Variants in UCN3 observed in about 807,000 individuals in gnomAD.
UCN3 encodes the protein urocortin-3.
Under a neutral mutation model 3.6 loss-of-function variants are expected in UCN3, and 3 were observed. The ratio of observed to expected loss-of-function variants is 0.83; its 90% CI spans 0.38 to 2.15. UCN3 has a LOEUF of 2.15. Among genes scored for constraint, UCN3 ranks in the 30% most tolerant of loss-of-function variants. UCN3 has a pLI of 0.06. For synonymous variants in UCN3, 100 were observed against 93.2 expected, an observed-to-expected ratio of 1.07 and a Z score of -0.42; for missense variants, 206 against 208.3, an observed-to-expected ratio of 0.99 and a Z score of 0.07.
rs1564442872 is a variant in UCN3, at chr10:5,370,388, C to CGTGTATGT, written c.-6-3323_-6-3322insATGTGTGT. Among the ~76,000 whole-genome samples, 14 of 27,970 alleles carry CGTGTATGT rather than the reference C, an allele frequency of 5.0e-4. 3 individuals are homozygous for CGTGTATGT. In the East Asian group the frequency reaches 6.2e-3, roughly 12 times the overall value. The allele number at this position is 27,970 out of a possible 152,430, so 18.3% of individuals were successfully genotyped here. ...ATGCGTGTGTATATGCGTGTATATG[C>CGTGTATGT]GTGTGTATATGTGTGTGTATATGTG... On this transcript the variant is annotated intron_variant, in intron 1 of 1. Transcript: ENST00000380433.
chr10:5,370,686 T>TCTTTTCTTGGCTTTGGTCTCAGG, intron 1 of UCN3, among the ~76,000 whole-genome samples: 1 of 97,482 alleles, frequency 1.0e-5, no homozygotes. Context: ...TGTGTGTGTG[T>TCTTTTCTTGGCTTTGGTCTCAGG]ATGTGTGTAT....
At chr10:5,370,046 C>CGTGTGTATGT (rs1367618907) in intron 1 of UCN3, among the ~76,000 whole-genome samples, 2 of 10,958 alleles carry the variant, frequency 1.8e-4, no homozygotes. Context: ...TGTGTATATG[C>CGTGTGTATGT]GTGTGTATGT....
At chr10:5,370,449 G>GTGTGTGTATA (rs1330959603) in intron 1 of UCN3, among the ~76,000 whole-genome samples, 10 of 115,336 alleles carry the variant, frequency 8.7e-5, no homozygotes, top group Non-Finnish European at 5.2e-5. Flanking sequence ...GTGTGTATGT[G>GTGTGTGTATA]TGTGTGTATA....
At chr10:5,372,648 C>T (rs782065932) in intron 1 of UCN3, among the ~76,000 whole-genome samples, 4 of 151,916 alleles carry the variant, frequency 2.6e-5, no homozygotes, top group African/African-American at 4.8e-5. Context: ...CTCTGGAGCT[C>T]GAGCAATCCT....
chr10:5,370,786 TG>T (rs1831395990), intron 1 of UCN3, among the ~76,000 whole-genome samples: 8 of 146,232 alleles, frequency 5.5e-5, no homozygotes, highest in Non-Finnish European at 7.4e-5. Context: ...TGCGTGTGTG[TG>T]TGTATGCGTG....
In UCN3 at chr10:5,370,553, G is replaced by T. The variant is rs538187710; in HGVS notation, c.-6-3162G>T. Among the ~76,000 whole-genome samples the T allele has an allele frequency of 3.5e-5, 4 of 115,126 alleles. No individual in the cohort carries two copies. The Admixed American group carries it at 4.0e-4, about 11-fold the overall frequency. The allele number at this position is 115,126 out of a possible 152,430, so 75.5% of individuals were successfully genotyped here. On this transcript the variant is annotated intron_variant, in intron 1 of 1. Transcript: ENST00000380433. The stretch of plus-strand genomic sequence containing the variant: ...TGTGTGTATATGCGTGTATATGTGT[G>T]TATATGTGTGTGTATATGCGTGTAT...
chr10:5,374,257 GGAGGGGAGGGC>G lies in UCN3; in HGVS notation c.*58_*68del. The G allele has an allele frequency of 6.4e-6, 3 of 468,878 alleles. No homozygotes were observed. The highest frequency in any genetic ancestry group is 3.5e-5 in the Admixed American group (1 of 28,610). 29.0% of individuals were successfully genotyped at this position (468,878 alleles called of 1,614,324 possible). A position where few individuals can be genotyped will look rare whatever the true frequency, so the allele number is the denominator to read the frequency against. ...CGGGGTGGGGAGGGGGAGGGGAGGG[GGAGGGGAGGGC>G]GAGGGGGGGAGGGGAGGGGGAGGGT... is the stretch of plus-strand genomic sequence containing the variant. On this transcript the variant is annotated 3_prime_UTR_variant, in exon 2 of 2. Coordinates refer to ENST00000380433, the MANE Select transcript of UCN3 (RefSeq NM_053049.4).
intron 1 of UCN3, among the ~76,000 whole-genome samples, chr10:5,370,864 T>TGTGTGTGCGC (rs1831407052): frequency 8.2e-6 from 1 of 121,854 alleles, no homozygotes; most frequent in African/African-American, 3.1e-5. Context: ...TGTGTGTGCG[T>TGTGTGTGCGC]GTGTATGTGT....
At chr10:5,370,090 CGTGTGTATATGCGTGTGTATATGT>C (rs1831336795) in intron 1 of UCN3, among the ~76,000 whole-genome samples, 2 of 12,882 alleles carry the variant, frequency 1.6e-4, no homozygotes, top group Non-Finnish European at 3.1e-4. Context: ...TGTGTATATG[CGTGTGTATATGCGTGTGTATATGT>C]GTGTGTATGT....
intron 1 of UCN3, among the ~76,000 whole-genome samples, chr10:5,370,223 G>GTGTGTGTGTGTATA (rs781842004): frequency 7.3e-5 from 1 of 13,764 alleles, no homozygotes; most frequent in Non-Finnish European, 1.1e-4. Flanking sequence ...GTGTGTGTAT[G>GTGTGTGTGTGTATA]TGCGTGTGTG....
rs1564445112 is a variant in UCN3, at chr10:5,374,253, AGGGGGAGGGGAGGGCGAGG to A, written c.*62_*80del. 2.1e-4 allele frequency: 2 copies of A among 9,346 alleles called. No individual in the cohort carries two copies. Among genetic ancestry groups the A allele is most frequent in the East Asian group, 3.6e-3 (1 of 278 alleles). The allele number at this position is 9,346 out of a possible 1,614,324, so 0.6% of individuals were successfully genotyped here. ...GCAGCGGGGTGGGGAGGGGGAGGGG[AGGGGGAGGGGAGGGCGAGG>A]GGGGGAGGGGAGGGGGAGGGTGCTG... On this transcript the variant is annotated 3_prime_UTR_variant, in exon 2 of 2. Coordinates refer to ENST00000380433, the MANE Select transcript of UCN3 (RefSeq NM_053049.4).
chr10:5,369,902 T>C, intron 1 of UCN3, among the ~76,000 whole-genome samples: 1 of 103,812 alleles, frequency 9.6e-6, no homozygotes, highest in African/African-American at 4.4e-5. Flanking sequence ...TGTGTGTATA[T>C]GTGTGTGTGT....
chr10:5,368,289 C>T (rs1453458418), intron 1 of UCN3, among the ~76,000 whole-genome samples: 1 of 152,162 alleles, frequency 6.6e-6, no homozygotes, highest in Non-Finnish European at 1.5e-5. Context: ...CAGGTGTGAG[C>T]CACCCAGTCC....
intron 1 of UCN3, among the ~76,000 whole-genome samples, chr10:5,370,034 C>T (rs797026173): frequency 0.015 from 224 of 14,810 alleles, 10 homozygotes; most frequent in Middle Eastern, 0.062. Context: ...TGTGTATATG[C>T]GTGTGTATAT....
At chr10:5,371,022 C>T (rs199879557) in intron 1 of UCN3, among the ~76,000 whole-genome samples, 2,527 of 133,720 alleles carry the variant, frequency 0.019, 106 homozygotes, top group East Asian at 0.065. Flanking sequence ...CATATATATA[C>T]GTGTGTGCAT....
Position 5,369,862 on chromosome 10 carries a change from G to GGTGTGTGTGTGTGT in UCN3, c.-6-3843_-6-3842insGTGTGTGTGTGTGT, listed in dbSNP as rs1348226825. On this transcript the variant is annotated intron_variant, in intron 1 of 1. Coordinates refer to ENST00000380433, the MANE Select transcript of UCN3 (RefSeq NM_053049.4). ...TGCTGGGTAAACATTTATCCACGTGGGTGTGTGTGTATATGTGTGTGTATA... is the reference window on the plus strand; with the variant it reads ...TGCTGGGTAAACATTTATCCACGTGGGTGTGTGTGTGTGTGTGTGTGTGTATATGTGTGTGTATA... Among the ~76,000 whole-genome samples the GGTGTGTGTGTGTGT allele has an allele frequency of 6.0e-5, 6 of 99,520 alleles. 2 individuals are homozygous for GGTGTGTGTGTGTGT. Among genetic ancestry groups the GGTGTGTGTGTGTGT allele is most frequent in the African/African-American group, 2.3e-4 (6 of 25,998 alleles). The allele number at this position is 99,520 out of a possible 152,430, so 65.3% of individuals were successfully genotyped here. A position where few individuals can be genotyped will look rare whatever the true frequency, so the allele number is the denominator to read the frequency against.
chr10:5,370,547 A>ATGTG (rs1284691329), intron 1 of UCN3, among the ~76,000 whole-genome samples: 2 of 41,286 alleles, frequency 4.8e-5, no homozygotes, highest in African/African-American at 1.1e-4. Context: ...ATGCGTGTAT[A>ATGTG]TGTGTGTATA....
rs1379192832 is a variant in UCN3 at position 5,374,232 on chromosome 10, CG to C, written c.*30del. The C allele has an allele frequency of 1.9e-6, 1 of 538,260 alleles. No individual in the cohort carries two copies. The highest frequency in any genetic ancestry group is 5.4e-5 in the African/African-American group (1 of 18,430). The allele number at this position is 538,260 out of a possible 1,614,324, so 33.3% of individuals were successfully genotyped here. ...AGGCGGAGGCTGGACGGGAGGGCAG[CG>C]GGGTGGGGAGGGGGAGGGGAGGGGG... On this transcript the variant is annotated 3_prime_UTR_variant, in exon 2 of 2. Coordinates refer to ENST00000380433, the MANE Select transcript of UCN3 (RefSeq NM_053049.4).
chr10:5,369,799 G>A (rs1554811010), intron 1 of UCN3, among the ~76,000 whole-genome samples: 1 of 152,134 alleles, frequency 6.6e-6, no homozygotes, highest in East Asian at 1.9e-4. Context: ...GCTGCAATGT[G>A]GAGAACCAAG....
Sources: allele counts gnomAD v4.1 joint callset (sites outside exome capture counted in the v4.1 genomes callset), GRCh38; gene constraint gnomAD v4.1.1; transcripts MANE v1.5; gene names NCBI Gene and HGNC (gene_info 2026-07-23, HGNC 2026-07-21).